Variants in FBXL2 observed in about 807,000 individuals in gnomAD.
FBXL2 encodes F-box/LRR-repeat protein 2.
Under a neutral mutation model 69.2 loss-of-function variants are expected in FBXL2, and 38 were observed. The observed-to-expected ratio is 0.55, with a 90% CI of 0.42 to 0.72. The LOEUF is 0.72. FBXL2 is among the 30% of genes least tolerant of loss of function. FBXL2 has a pLI of 0.00. For missense variants in FBXL2, 354 were observed against 520.3 expected (o/e 0.68, Z 3.11); for synonymous variants, 192 against 201.3 (o/e 0.95, Z 0.39).
chr3:33,370,570 G>A (rs543005711), intron 5 of FBXL2, among the ~76,000 whole-genome samples: 99 of 152,108 alleles, frequency 6.5e-4, no homozygotes, highest in African/African-American at 2.4e-3. Flanking sequence ...TACATAACAT[G>A]GCTTTGTTTT....
At chr3:33,394,838 A>T (rs867028305) in intron 12 of FBXL2, among the ~76,000 whole-genome samples, 16 of 102,374 alleles carry the variant, frequency 1.6e-4, no homozygotes, top group Admixed American at 2.3e-4. Flanking sequence ...TTTTTTTTTT[A>T]AATAAAGTTT....
chr3:33,361,192 G>A (rs1192104895), intron 4 of FBXL2, among the ~76,000 whole-genome samples: 1 of 148,124 alleles, frequency 6.8e-6, no homozygotes, highest in Non-Finnish European at 1.5e-5. Context: ...TGATCCGCCC[G>A]CCTCGGCCTC....
chr3:33,398,279 C>T (rs2044085623), intron 12 of FBXL2: 1 of 152,140 alleles, frequency 6.6e-6, no homozygotes, highest in Admixed American at 6.5e-5. Flanking sequence ...GGCTCAAATG[C>T]AATAGCCTAC....
chr3:33,291,935 CTG>C (rs1297425249), intron 1 of FBXL2, among the ~76,000 whole-genome samples: 1 of 152,102 alleles, frequency 6.6e-6, no homozygotes, highest in Admixed American at 6.6e-5. Flanking sequence ...TTATGAATCA[CTG>C]TAAATATGAA....
At chr3:33,328,573 C>A (rs571500417) in intron 2 of FBXL2, among the ~76,000 whole-genome samples, 1 of 151,940 alleles carries the variant, frequency 6.6e-6, no homozygotes, top group African/African-American at 2.4e-5. Flanking sequence ...TTTTTGACAA[C>A]GGCACCAAGA....
chr3:33,306,685 C>T (rs540460370), intron 2 of FBXL2, among the ~76,000 whole-genome samples: 3 of 152,230 alleles, frequency 2.0e-5, no homozygotes, highest in East Asian at 1.9e-4. Flanking sequence ...CAAGTTTCTT[C>T]CATCCTTTAT....
the FBXL2 span, chr3:33,409,180 T>C: frequency 2.0e-6 from 3 of 1,527,944 alleles, no homozygotes; most frequent in Non-Finnish European, 1.8e-6. Context: ...ATCTTAGAAA[T>C]AGACTAATAT....
chr3:33,376,464 T>C (rs1008660540), intron 10 of FBXL2, among the ~76,000 whole-genome samples: 3 of 152,220 alleles, frequency 2.0e-5, no homozygotes, highest in Non-Finnish European at 4.4e-5. Context: ...TTCTGCTTAG[T>C]AGAAGGAATT....
intron 2 of FBXL2, among the ~76,000 whole-genome samples, chr3:33,340,171 G>A (rs1314958590): frequency 6.6e-6 from 1 of 152,154 alleles, no homozygotes; most frequent in Non-Finnish European, 1.5e-5. Flanking sequence ...GAATCTTTTG[G>A]TGTTGAATGT....
chr3:33,413,376 T>C, the FBXL2 span, among the ~76,000 whole-genome samples: 2 of 151,126 alleles, frequency 1.3e-5, no homozygotes, highest in African/African-American at 4.9e-5. Flanking sequence ...TGAAACCCCA[T>C]CTCTACAAAA....
chr3:33,340,453 G>T (rs2039925220), intron 2 of FBXL2, among the ~76,000 whole-genome samples: 1 of 151,664 alleles, frequency 6.6e-6, no homozygotes, highest in East Asian at 1.9e-4. Context: ...GGCAGAAAAT[G>T]TATGAGATGG....
chr3:33,410,005 G>C, the FBXL2 span, among the ~76,000 whole-genome samples: 1 of 152,128 alleles, frequency 6.6e-6, no homozygotes, highest in African/African-American at 2.4e-5. Context: ...TCTGTTGTTT[G>C]CCCTCTACTG....
At chr3:33,407,376 A>G (rs756630535), downstream of FBXL2, among the ~76,000 whole-genome samples, 21 of 152,186 alleles carry the variant, frequency 1.4e-4, no homozygotes, top group Non-Finnish European at 2.8e-4. Context: ...TAAATGGTTT[A>G]TAACAGGAGA....
intron 2 of FBXL2, among the ~76,000 whole-genome samples, chr3:33,318,562 CT>C (rs1166042418): frequency 6.6e-6 from 1 of 152,080 alleles, no homozygotes; most frequent in Non-Finnish European, 1.5e-5. Context: ...ATCTTGCCAG[CT>C]TCAGATGCAT....
At chr3:33,308,347 A>T (rs988471969) in intron 2 of FBXL2, among the ~76,000 whole-genome samples, 1 of 152,174 alleles carries the variant, frequency 6.6e-6, no homozygotes, top group Non-Finnish European at 1.5e-5. Context: ...ATTCATGATT[A>T]TTGGACTGGT....
chr3:33,412,002 C>T, the FBXL2 span, among the ~76,000 whole-genome samples: 2 of 151,996 alleles, frequency 1.3e-5, no homozygotes, highest in South Asian at 4.2e-4. Context: ...GCCTGGCGAA[C>T]ATGGTGAAAC....
chr3:33,383,901 G>A (rs2043225273), intron 13 of FBXL2, 88 bp from the exon 14 acceptor site: 2 of 1,279,020 alleles, frequency 1.6e-6, no homozygotes, highest in Non-Finnish European at 1.1e-6. Flanking sequence ...TTGCAGAAGG[G>A]CAAAAAGGCT....
In FBXL2 at chr3:33,373,375, G is replaced by T. The variant is rs768528746; in HGVS notation, c.455+20G>T. On this transcript the variant is annotated intron_variant, in intron 7 of 14. Transcript: ENST00000484457. ...GATCAGGTAAGAGTGCCCATTGTTT[G>T]TGTCAAGAGAAATACCCAAAGCTAT... is the stretch of plus-strand genomic sequence containing the variant. 1.4e-5 allele frequency: 22 copies of T among 1,579,958 alleles called. No homozygotes were observed. Among genetic ancestry groups the T allele is most frequent in the East Asian group, 2.2e-5 (1 of 44,736 alleles).
chr3:33,310,889 C>T (rs1040753638), intron 2 of FBXL2, among the ~76,000 whole-genome samples: 4 of 152,054 alleles, frequency 2.6e-5, no homozygotes, highest in Admixed American at 6.6e-5. Context: ...ATTCTCCTGC[C>T]GCAGCCTCTT....
Sources: allele counts gnomAD v4.1 joint callset (sites outside exome capture counted in the v4.1 genomes callset), GRCh38; gene constraint gnomAD v4.1.1; transcripts MANE v1.5; gene names NCBI Gene and HGNC (gene_info 2026-07-23, HGNC 2026-07-21).